Variants in WDR33 observed in about 807,000 individuals in gnomAD.
WDR33 encodes the protein WD repeat domain 33.
A neutral mutation model predicts 164.9 loss-of-function variants in WDR33; 47 were observed. That is an observed-to-expected ratio of 0.29 (90% CI 0.23 to 0.36). The LOEUF (loss-of-function observed/expected upper bound fraction) is 0.36, where lower values mean the gene tolerates loss of function less well. WDR33 is among the 10% of genes least tolerant of loss of function. The probability of loss-of-function intolerance (pLI) is 1.00; values close to 1 mark genes in which losing one functional copy is unlikely to be tolerated. For missense variants in WDR33, 1,137 were observed against 1,754.1 expected, an observed-to-expected ratio of 0.65 and a Z score of 6.28; for synonymous variants, 505 against 589.0, an observed-to-expected ratio of 0.86 and a Z score of 2.06.
At position 127,807,741 on chromosome 2, in the gene WDR33, ATTC is replaced by A. The variant is rs141169763; in HGVS notation, c.-24+3268_-24+3270del. Among the ~76,000 whole-genome samples, 1,144 of 152,358 alleles carry A rather than the reference ATTC, an allele frequency of 7.5e-3. 38 individuals are homozygous for A. Among genetic ancestry groups the A allele is most frequent in the Admixed American group, 0.058 (884 of 15,296 alleles). The stretch of plus-strand genomic sequence containing the variant: ...TGAGGGGAATTTTTGTAGAAAATTC[ATTC>A]TTCAATTTGTATAATGCCTAGGTTT... On this transcript the variant is annotated intron_variant, in intron 1 of 21. Coordinates refer to ENST00000322313, the MANE Select transcript of WDR33 (RefSeq NM_018383.5).
At chr2:127,732,177 CT>C (rs1032255507) in intron 7 of WDR33, among the ~76,000 whole-genome samples, 3 of 150,222 alleles carry the variant, frequency 2.0e-5, no homozygotes, top group African/African-American at 7.4e-5. Context: ...CCCAATAAGC[CT>C]TTTTAAAAAT....
chr2:127,711,780 A>ATATTTTTTTTTTTTTTTTTTTTTT, intron 18 of WDR33, among the ~76,000 whole-genome samples: 1 of 88,308 alleles, frequency 1.1e-5, no homozygotes, highest in Admixed American at 1.2e-4. Context: ...ATATATATAT[A>ATATTTTTTTTTTTTTTTTTTTTTT]TTTTTTTTTT....
intron 7 of WDR33, among the ~76,000 whole-genome samples, chr2:127,742,865 AAAAAAAAAC>A (rs1159249000): frequency 6.6e-6 from 1 of 150,894 alleles, no homozygotes; most frequent in African/African-American, 2.5e-5. Context: ...ACAGTTAAAA[AAAAAAAAAC>A]AAAAAAAAAC....
intron 1 of WDR33, among the ~76,000 whole-genome samples, chr2:127,777,583 G>T (rs1359398379): frequency 3.3e-5 from 5 of 152,226 alleles, no homozygotes; most frequent in Non-Finnish European, 7.3e-5. Context: ...GGAACACTCA[G>T]ACTTAGTGTG....
chr2:127,779,620 G>A (rs1688302959), intron 1 of WDR33, among the ~76,000 whole-genome samples: 1 of 152,208 alleles, frequency 6.6e-6, no homozygotes, highest in African/African-American at 2.4e-5. Context: ...TCAATTGAAA[G>A]CCAAGGGCTT....
chr2:127,721,951 T>C lies in WDR33; in HGVS notation c.1556A>G (p.Asn519Ser), dbSNP rs146854738. 1.9e-6 allele frequency: 3 copies of C among 1,613,374 alleles called. No homozygotes were observed. Among genetic ancestry groups the C allele is most frequent in the East Asian group, 2.2e-5 (1 of 44,860 alleles). The change falls in exon 15 of 22, where the codon AAT becomes AGT. Residue 519 changes from asparagine (N) to serine (S), a missense_variant. Physicochemically the swap from Asn to Ser is conservative, Grantham distance 46 (BLOSUM62 1). Transcript: ENST00000322313. The surrounding 1 kb of genome is among the most constrained non-coding windows in gnomAD (Gnocchi z 4.9). ...MQNKVPIPAP[N>S]EVLNDRKEDI... Reference sequence around the variant, plus strand: ...TTCTTTTCTGTCATTCAGCACCTCATTTGGAGCAGGAATTGGAACTTTATT... The same window carrying C: ...TTCTTTTCTGTCATTCAGCACCTCACTTGGAGCAGGAATTGGAACTTTATT...
At chr2:127,775,475 C>A (rs1323643957) in intron 1 of WDR33, among the ~76,000 whole-genome samples, 1 of 152,196 alleles carries the variant, frequency 6.6e-6, no homozygotes, top group Non-Finnish European at 1.5e-5. Context: ...AGGCGTGAGC[C>A]ATCGTGCCTG....
intron 7 of WDR33, among the ~76,000 whole-genome samples, chr2:127,743,917 A>T (rs1687097453): frequency 6.6e-6 from 1 of 152,238 alleles, no homozygotes; most frequent in Non-Finnish European, 1.5e-5. Flanking sequence ...TCTGATGACC[A>T]CAAGAATAGA....
rs1206750871 is a variant in WDR33, at chr2:127,738,561, C to T, written c.725-11784G>A. 6.6e-6 allele frequency among the ~76,000 whole-genome samples: 1 copy of T among 152,022 alleles called. No homozygotes were observed. Among genetic ancestry groups the T allele is most frequent in the East Asian group, 1.9e-4 (1 of 5,192 alleles). On this transcript the variant is annotated intron_variant, in intron 7 of 21. Coordinates refer to ENST00000322313, the MANE Select transcript of WDR33 (RefSeq NM_018383.5). The surrounding 1 kb of genome is among the most constrained non-coding windows in gnomAD (Gnocchi z 4.4). ...TGTTGAAGAAACTTGACAAACTCTA[C>T]CTCAAGCAGATGATCAAGATCAACA...
rs1169051949 is a variant in WDR33, at chr2:127,708,420, G to A, written c.3781+257C>T. Among the ~76,000 whole-genome samples the A allele has an allele frequency of 2.6e-5, 4 of 152,256 alleles. No homozygotes were observed. The highest frequency in any genetic ancestry group is 2.1e-4 in the South Asian group (1 of 4,836). On this transcript the variant is annotated intron_variant, in intron 21 of 21. Transcript: ENST00000322313. The surrounding 1 kb of genome is among the most constrained non-coding windows in gnomAD (Gnocchi z 6.7). The stretch of plus-strand genomic sequence containing the variant: ...GAGCAGGGCTCCCAGACAGCAAGCC[G>A]AGCAGAGAGTGCTGGGGCATCTTGG...
At position 127,701,729 on chromosome 2, in the gene WDR33, C is replaced by A; in HGVS notation, c.*4594G>T. ...AGTCGGCAGCGGCCGGCCTGACGTG[C>A]CTCCCGAGCGTGACGCGCGGGCAGC... On this transcript the variant is annotated 3_prime_UTR_variant, in exon 22 of 22. Coordinates refer to ENST00000322313, the MANE Select transcript of WDR33 (RefSeq NM_018383.5). 1 of 1,387,268 alleles carries A rather than the reference C, an allele frequency of 7.2e-7. No individual in the cohort carries two copies. The highest frequency in any genetic ancestry group is 9.3e-7 in the Non-Finnish European group (1 of 1,070,852). 85.9% of individuals were successfully genotyped at this position (1,387,268 alleles called of 1,614,324 possible). A position where few individuals can be genotyped will look rare whatever the true frequency, so the allele number is the denominator to read the frequency against.
intron 7 of WDR33, among the ~76,000 whole-genome samples, chr2:127,731,603 A>T (rs964642368): frequency 6.6e-6 from 1 of 152,224 alleles, no homozygotes; most frequent in Non-Finnish European, 1.5e-5. Context: ...AACATGAATC[A>T]ATGAGAGGTT....
chr2:127,796,958 T>C (rs371399140), intron 1 of WDR33, among the ~76,000 whole-genome samples: 21 of 152,150 alleles, frequency 1.4e-4, no homozygotes, highest in African/African-American at 3.4e-4. Context: ...GATTCTGCAA[T>C]TGCGAATTTA....
rs552804912 is a variant in WDR33, at chr2:127,763,721, C to A, written c.627-562G>T. 87 of 985,540 alleles carry A rather than the reference C, an allele frequency of 8.8e-5. No homozygotes were observed. The highest frequency in any genetic ancestry group is 4.0e-4 in the African/African-American group (23 of 57,354). The allele number at this position is 985,540 out of a possible 1,614,324, so 61.0% of individuals were successfully genotyped here. A position where few individuals can be genotyped will look rare whatever the true frequency, so the allele number is the denominator to read the frequency against. On this transcript the variant is annotated intron_variant, in intron 6 of 21. Coordinates refer to ENST00000322313, the MANE Select transcript of WDR33 (RefSeq NM_018383.5). This position sits in a 1 kb window ranked among gnomAD's most constrained non-coding sequence, Gnocchi z 4.5. ...GGCAAGCTATTCCATGAATGTTGCA[C>A]CTTTGAGGAAAACTTTAAAATAAGG...
At position 127,717,243 on chromosome 2, in the gene WDR33, G is replaced by A. The variant is rs775206677; in HGVS notation, c.2781C>T (p.Pro927=). ...PFNQEGQSTG[P]PPLIPGLGQQ... is the part of the protein sequence containing the mutation. ...GCCCTAGGCCTGGTATCAGGGGTGG[G>A]GGGCCTGTGCTCTGTCCTTCCTGAA... Residue 927 remains proline, a synonymous_variant, in exon 17 of 22, where the codon CCC becomes CCT. Coordinates refer to ENST00000322313, the MANE Select transcript of WDR33 (RefSeq NM_018383.5). This position sits in a 1 kb window ranked among gnomAD's most constrained non-coding sequence, Gnocchi z 5.6. The A allele has an allele frequency of 1.9e-6, 3 of 1,601,954 alleles. No homozygotes were observed. The highest frequency in any genetic ancestry group is 2.6e-6 in the Non-Finnish European group (3 of 1,174,708).
Position 127,720,172 on chromosome 2 carries a change from C to T in WDR33, c.1853G>A (p.Gly618Glu). The T allele has an allele frequency of 6.2e-7, 1 of 1,613,294 alleles. No homozygotes were observed. Among genetic ancestry groups the T allele is most frequent in the Non-Finnish European group, 8.5e-7 (1 of 1,179,754 alleles). ...AAACTGTCCCTGTGGACCTGGAGGC[C>T]CCATTTGAGCCATGTTCATTGGCAT... Reference protein sequence around the residue: ...QQMPMNMAQMGPPGPQGQFRP... With the variant: ...QQMPMNMAQMEPPGPQGQFRP... The change falls in exon 16 of 22, where the codon GGG (glycine) becomes GAG (glutamate). Residue 618 changes from glycine to glutamate, a missense_variant. Gly to Glu is a moderately conservative substitution (Grantham distance 98). Around this residue, in one of 9 missense-constraint regions of WDR33, gnomAD observed 867 missense variants for 1,073.0 expected, o/e 0.81. Transcript: ENST00000322313. The surrounding 1 kb of genome is among the most constrained non-coding windows in gnomAD (Gnocchi z 5.9).
chr2:127,801,017 A>G (rs1290105950), intron 1 of WDR33, among the ~76,000 whole-genome samples: 1 of 151,856 alleles, frequency 6.6e-6, no homozygotes, highest in African/African-American at 2.4e-5. Flanking sequence ...TTGTAATCTC[A>G]GCACTTCAGG....
At chr2:127,744,270 CGTAA>C (rs1450801445) in intron 7 of WDR33, among the ~76,000 whole-genome samples, 3 of 152,010 alleles carry the variant, frequency 2.0e-5, no homozygotes, top group Non-Finnish European at 4.4e-5. Context: ...GGAAAATTTA[CGTAA>C]GTAACACAAA....
chr2:127,775,950 G>A (rs990041299), intron 1 of WDR33, among the ~76,000 whole-genome samples: 1 of 152,124 alleles, frequency 6.6e-6, no homozygotes, highest in Admixed American at 6.5e-5. Flanking sequence ...ACAATACAGT[G>A]ACCAGGCTCC....
Sources: allele counts gnomAD v4.1 joint callset (sites outside exome capture counted in the v4.1 genomes callset), GRCh38; gene constraint gnomAD v4.1.1; regional missense constraint gnomAD v4.1.1; non-coding constraint Gnocchi (gnomAD v3.1); transcripts MANE v1.5; gene names NCBI Gene and HGNC (gene_info 2026-07-23, HGNC 2026-07-21).